Variants in NARS2 observed in about 807,000 individuals in gnomAD.
NARS2 encodes the protein asparaginyl-tRNA synthetase.
In NARS2, 60 loss-of-function variants were observed where a neutral mutation model predicts 62.9. The observed-to-expected ratio is 0.95, with a 90% CI of 0.77 to 1.18. The LOEUF (loss-of-function observed/expected upper bound fraction) is 1.18, where lower values mean the gene tolerates loss of function less well. NARS2 is among the 50% of genes most tolerant of loss of function. The pLI, the probability that NARS2 is intolerant of heterozygous loss-of-function variation, is 0.00. For synonymous variants in NARS2, 196 were observed against 200.0 expected (o/e 0.98, Z 0.17); for missense variants, 619 against 576.4 (o/e 1.07, Z -0.76).
chr11:78,555,674 C>T lies in NARS2; in HGVS notation c.594+3865G>A, dbSNP rs943363590. Among the ~76,000 whole-genome samples, 9 of 151,986 alleles carry T rather than the reference C, an allele frequency of 5.9e-5. No homozygotes were observed. In the South Asian group the frequency reaches 1.2e-3, roughly 21 times the overall value. On this transcript the variant is annotated intron_variant, in intron 5 of 13. Coordinates refer to ENST00000281038, the MANE Select transcript of NARS2 (RefSeq NM_024678.6). ...TTTTGAATGTTTTTTTGTGTCTCAG[C>T]TTCCTTCAGTTCAGCTCTGATTTTT...
chr11:78,475,175 T>A (rs890120818), intron 9 of NARS2, among the ~76,000 whole-genome samples: 1 of 152,216 alleles, frequency 6.6e-6, no homozygotes, highest in African/African-American at 2.4e-5. Context: ...ATGCAGTATT[T>A]GTCTTTCTGT....
intron 7 of NARS2, among the ~76,000 whole-genome samples, chr11:78,480,642 G>C (rs988047466): frequency 6.6e-6 from 1 of 150,668 alleles, no homozygotes; most frequent in Non-Finnish European, 1.5e-5. Flanking sequence ...AAATTGGTGA[G>C]CATGTGGCTA....
At chr11:78,566,750 C>T (rs1565289655) in intron 3 of NARS2, among the ~76,000 whole-genome samples, 2 of 152,314 alleles carry the variant, frequency 1.3e-5, no homozygotes, top group East Asian at 3.9e-4. Context: ...TTACTATTAT[C>T]AACGTGCTAC....
At chr11:78,492,929 T>C in intron 7 of NARS2, 134 bp downstream of exon 7, 1 of 692,382 alleles carries the variant, frequency 1.4e-6, no homozygotes, top group East Asian at 2.7e-5. Context: ...AGGCATTCAA[T>C]AAGTGTTTAT....
At chr11:78,450,929 A>C (rs1422927864) in intron 11 of NARS2, among the ~76,000 whole-genome samples, 1 of 152,066 alleles carries the variant, frequency 6.6e-6, no homozygotes, top group Non-Finnish European at 1.5e-5. Context: ...TGATCTGCCC[A>C]CCTGGGCCTC....
chr11:78,463,176 C>T (rs751679991), intron 11 of NARS2, among the ~76,000 whole-genome samples: 33 of 152,146 alleles, frequency 2.2e-4, no homozygotes, highest in South Asian at 4.1e-4. Flanking sequence ...GTAATTCTCT[C>T]ACCTCAGCCT....
At chr11:78,464,900 T>G (rs1858552101) in intron 11 of NARS2, among the ~76,000 whole-genome samples, 1 of 152,256 alleles carries the variant, frequency 6.6e-6, no homozygotes, top group Non-Finnish European at 1.5e-5. Flanking sequence ...GGAGCCCAGC[T>G]GGCTTCACCC....
intron 9 of NARS2, among the ~76,000 whole-genome samples, chr11:78,473,893 C>CG (rs1858978991): frequency 6.6e-6 from 1 of 152,142 alleles, no homozygotes; most frequent in Non-Finnish European, 1.5e-5. Context: ...CTAATTCATT[C>CG]TGCTACGTCT....
chr11:78,523,864 A>C (rs1021553818), intron 6 of NARS2, among the ~76,000 whole-genome samples: 2 of 152,122 alleles, frequency 1.3e-5, no homozygotes, highest in Non-Finnish European at 2.9e-5. Context: ...GTCTTTTGGG[A>C]GTGATAAAAC....
intron 6 of NARS2, among the ~76,000 whole-genome samples, chr11:78,514,328 C>T (rs189925236): frequency 6.6e-6 from 1 of 152,198 alleles, no homozygotes; most frequent in East Asian, 1.9e-4. Context: ...TGCCATGTTG[C>T]CCAGGTTGGT....
At chr11:78,566,401 A>G (rs1168194399) in intron 3 of NARS2, 129 bp from the exon 4 acceptor site, 1 of 694,246 alleles carries the variant, frequency 1.4e-6, no homozygotes, top group Non-Finnish European at 2.2e-6. Flanking sequence ...ATTTCTTAAT[A>G]TAACTGATTT....
At chr11:78,537,501 C>A (rs900105699) in intron 5 of NARS2, among the ~76,000 whole-genome samples, 5 of 152,056 alleles carry the variant, frequency 3.3e-5, no homozygotes, top group Non-Finnish European at 7.4e-5. Context: ...GATGATAAAA[C>A]CAGTAATTTG....
chr11:78,500,751 C>A (rs1247819015), intron 6 of NARS2, among the ~76,000 whole-genome samples: 2 of 152,112 alleles, frequency 1.3e-5, no homozygotes, highest in African/African-American at 4.8e-5. Context: ...TATCTACCAA[C>A]GTTTACTACT....
chr11:78,545,594 G>A (rs111667556), intron 5 of NARS2, among the ~76,000 whole-genome samples: 2,832 of 142,488 alleles, frequency 0.02, 90 homozygotes, highest in African/African-American at 0.071. Flanking sequence ...GTGTGATCTC[G>A]GCTCACTGCA....
In NARS2 at chr11:78,463,713, C is replaced by CAAAAAA. The variant is rs10649252; in HGVS notation, c.1164+2157_1164+2162dup. Among the ~76,000 whole-genome samples, 314 of 47,976 alleles carry CAAAAAA rather than the reference C, an allele frequency of 6.5e-3. 21 individuals are homozygous for CAAAAAA. Among genetic ancestry groups the CAAAAAA allele is most frequent in the African/African-American group, 0.024 (302 of 12,546 alleles). The allele number at this position is 47,976 out of a possible 152,430, so 31.5% of individuals were successfully genotyped here. On this transcript the variant is annotated intron_variant, in intron 11 of 13. Coordinates refer to ENST00000281038, the MANE Select transcript of NARS2 (RefSeq NM_024678.6). ...AAAAAAAGACAACTATAGTTAAGGT[C>CAAAAAA]AAAAAAAAAAAAAAAAAAAAAAAAC...
chr11:78,447,289 G>GATTAT, intron 11 of NARS2, among the ~76,000 whole-genome samples: 1 of 151,932 alleles, frequency 6.6e-6, no homozygotes, highest in Non-Finnish European at 1.5e-5. Flanking sequence ...AAGTAGCTGG[G>GATTAT]ATTATAGGTA....
chr11:78,523,328 A>T (rs1861193484), intron 6 of NARS2, among the ~76,000 whole-genome samples: 1 of 152,192 alleles, frequency 6.6e-6, no homozygotes, highest in African/African-American at 2.4e-5. Flanking sequence ...AAGCATTTGC[A>T]AGGATGTGGA....
At chr11:78,538,936 A>G (rs1855496017) in intron 5 of NARS2, among the ~76,000 whole-genome samples, 1 of 132,672 alleles carries the variant, frequency 7.5e-6, no homozygotes, top group African/African-American at 2.9e-5. Flanking sequence ...CGGAGCTTGC[A>G]GTGAGCCGAG....
At chr11:78,471,126 A>T (rs1858854216) in intron 9 of NARS2, among the ~76,000 whole-genome samples, 1 of 152,180 alleles carries the variant, frequency 6.6e-6, no homozygotes, top group Non-Finnish European at 1.5e-5. Flanking sequence ...AACAATAGGT[A>T]ATTTCTAAGG....
Sources: allele counts gnomAD v4.1 joint callset (sites outside exome capture counted in the v4.1 genomes callset), GRCh38; gene constraint gnomAD v4.1.1; transcripts MANE v1.5; gene names NCBI Gene and HGNC (gene_info 2026-07-23, HGNC 2026-07-21).